The following PLCB4 variants were observed in gnomAD, a reference collection of about 807,000 sequenced individuals.
The protein encoded by PLCB4 is 1-phosphatidylinositol 4,5-bisphosphate phosphodiesterase beta-4.
PLCB4 carries 77 observed loss-of-function variants against 178.8 expected under a neutral mutation model. That is an observed-to-expected ratio of 0.43 (90% confidence interval 0.36 to 0.52). The LOEUF (loss-of-function observed/expected upper bound fraction) is 0.52. PLCB4 is among the 20% of genes least tolerant of loss of function. The pLI is 0.00. For synonymous variants in PLCB4, 496 were observed against 490.8 expected (o/e 1.01, Z -0.14); for missense variants, 1,024 against 1,453.4 (o/e 0.70, Z 4.80).
intron 2 of PLCB4, among the ~76,000 whole-genome samples, chr20:9,136,214 G>A (rs1352853687): frequency 2.6e-5 from 4 of 152,110 alleles, no homozygotes; most frequent in African/African-American, 9.7e-5. Context: ...ATTGTCTTAG[G>A]TTGGCTTCTC....
intron 28 of PLCB4, 126 bp from the exon 29 acceptor site, chr20:9,435,434 C>T (rs1020098579): frequency 3.7e-5 from 22 of 587,804 alleles, no homozygotes; most frequent in African/African-American, 1.3e-4. Context: ...GTCTTATGTC[C>T]TAGGAAAAGA....
intron 3 of PLCB4, among the ~76,000 whole-genome samples, chr20:9,276,337 G>GCCTT (rs1383648860): frequency 6.6e-6 from 1 of 152,012 alleles, no homozygotes; most frequent in African/African-American, 2.4e-5. Flanking sequence ...TATGGGCCAT[G>GCCTT]CCCAGATGCG....
At chr20:9,137,863 C>T (rs981624026) in intron 2 of PLCB4, among the ~76,000 whole-genome samples, 3 of 151,768 alleles carry the variant, frequency 2.0e-5, no homozygotes, top group Admixed American at 6.6e-5. Context: ...GTGATTCAGG[C>T]ACTTTGCTTA....
At chr20:9,108,507 G>A (rs1405915944) in intron 2 of PLCB4, among the ~76,000 whole-genome samples, 1 of 152,096 alleles carries the variant, frequency 6.6e-6, no homozygotes, top group Non-Finnish European at 1.5e-5. Context: ...CTGAACAGGA[G>A]GCTGGTGCAA....
At chr20:9,290,974 A>G (rs969428256) in intron 3 of PLCB4, among the ~76,000 whole-genome samples, 7 of 152,126 alleles carry the variant, frequency 4.6e-5, no homozygotes, top group African/African-American at 1.7e-4. Flanking sequence ...GGCTTCCTCA[A>G]GGTCACACAC....
chr20:9,459,000 T>A (rs181293280), intron 34 of PLCB4, among the ~76,000 whole-genome samples: 8 of 152,096 alleles, frequency 5.3e-5, no homozygotes, highest in Non-Finnish European at 4.4e-5. Flanking sequence ...AAACATAAGG[T>A]GATAAAGAAA....
At chr20:9,314,498 A>G (rs368619477) in intron 4 of PLCB4, among the ~76,000 whole-genome samples, 1 of 152,148 alleles carries the variant, frequency 6.6e-6, no homozygotes, top group East Asian at 1.9e-4. Flanking sequence ...TAGCACGGGA[A>G]CTGGACAGCT....
At position 9,372,744 on chromosome 20, in the gene PLCB4, A is replaced by G. The variant is rs147614680; in HGVS notation, c.687-303A>G. On this transcript the variant is annotated intron_variant, in intron 11 of 39. Coordinates refer to ENST00000378473, the MANE Select transcript of PLCB4 (RefSeq NM_001377142.1). ...GTTTTTGAAAAGTTGATTCATTCCA[A>G]TTATTTCAAATGGATGACTTACATG... is the stretch of plus-strand genomic sequence containing the variant. Among the ~76,000 whole-genome samples, 291 of 152,212 alleles carry G rather than the reference A, an allele frequency of 1.9e-3. 3 individuals are homozygous for G. The highest frequency in any genetic ancestry group is 6.3e-3 in the African/African-American group (262 of 41,522).
At chr20:9,446,085 A>G (rs1172672994) in intron 32 of PLCB4, among the ~76,000 whole-genome samples, 1 of 152,222 alleles carries the variant, frequency 6.6e-6, no homozygotes, top group East Asian at 1.9e-4. Context: ...ATGCTCAGTA[A>G]TTCTCAGATG....
intron 2 of PLCB4, among the ~76,000 whole-genome samples, chr20:9,135,577 G>C (rs530169258): frequency 5.3e-5 from 8 of 151,968 alleles, no homozygotes; most frequent in Admixed American, 5.2e-4. Flanking sequence ...TCCCCACCTT[G>C]ATTTTTTATA....
intron 30 of PLCB4, among the ~76,000 whole-genome samples, chr20:9,439,216 G>A (rs1192991515): frequency 6.6e-6 from 1 of 152,214 alleles, no homozygotes; most frequent in Non-Finnish European, 1.5e-5. Context: ...TCTTGCTTAT[G>A]CACCTGTGAT....
At chr20:9,236,256 T>G (rs2093991514) in intron 3 of PLCB4, among the ~76,000 whole-genome samples, 1 of 152,182 alleles carries the variant, frequency 6.6e-6, no homozygotes, top group Admixed American at 6.5e-5. Context: ...AGGTTAGTGC[T>G]TCCTCCAAGG....
intron 4 of PLCB4, among the ~76,000 whole-genome samples, chr20:9,312,353 TACACACACACACACACACAC>T (rs34443371): frequency 2.3e-5 from 3 of 127,786 alleles, no homozygotes; most frequent in Non-Finnish European, 3.4e-5. Flanking sequence ...CCTTCCACCC[TACACACACACACACACACAC>T]ACACACACAC....
At chr20:9,303,324 G>A (rs561338018) in intron 3 of PLCB4, among the ~76,000 whole-genome samples, 9 of 152,178 alleles carry the variant, frequency 5.9e-5, no homozygotes, top group East Asian at 1.9e-4. Context: ...TGTATACTTC[G>A]ATTATCAACT....
intron 1 of PLCB4, among the ~76,000 whole-genome samples, chr20:9,094,156 G>A (rs1276868465): frequency 6.6e-6 from 1 of 152,110 alleles, no homozygotes; most frequent in Non-Finnish European, 1.5e-5. Context: ...AATCAAAGGT[G>A]TATTTAACTA....
At chr20:9,405,460 CA>C in intron 21 of PLCB4, 112 bp downstream of exon 21, 1 of 636,562 alleles carries the variant, frequency 1.6e-6, no homozygotes, top group Non-Finnish European at 2.7e-6. Context: ...ATAAAAATCA[CA>C]AAACTAGGGC....
chr20:9,109,183 TTGAACATTTATA>T (rs1192152464), intron 2 of PLCB4, among the ~76,000 whole-genome samples: 1 of 152,192 alleles, frequency 6.6e-6, no homozygotes, highest in Middle Eastern at 3.2e-3. Flanking sequence ...GTCTAAAGTA[TTGAACATTTATA>T]AAATGGTGTG....
Position 9,411,354 on chromosome 20 carries a change from A to G in PLCB4, c.2051+266A>G, listed in dbSNP as rs567309868. 2.6e-5 allele frequency among the ~76,000 whole-genome samples: 4 copies of G among 152,340 alleles called. No homozygotes were observed. The East Asian group carries it at 7.7e-4, about 29-fold the overall frequency. On this transcript the variant is annotated intron_variant, in intron 25 of 39. Transcript: ENST00000378473. ...GTTTAATCCTCTCACTTTAAAATCA[A>G]TAGTGGAGGATTTTATGTCTGGGAC...
chr20:9,134,620 C>T (rs1028993696), intron 2 of PLCB4, among the ~76,000 whole-genome samples: 12 of 152,084 alleles, frequency 7.9e-5, no homozygotes, highest in African/African-American at 2.4e-4. Context: ...TGTTCTGCCT[C>T]CCGTTTCCAA....
Sources: allele counts gnomAD v4.1 joint callset (sites outside exome capture counted in the v4.1 genomes callset), GRCh38; gene constraint gnomAD v4.1.1; transcripts MANE v1.5; gene names NCBI Gene and HGNC (gene_info 2026-07-23, HGNC 2026-07-21).